The following HEATR5A variants were observed in gnomAD, a reference collection of about 807,000 sequenced individuals.
The protein encoded by HEATR5A is HEAT repeat containing 5A.
In HEATR5A, 178 loss-of-function variants were observed where a neutral mutation model predicts 218.8. The observed-to-expected ratio is 0.81, with a 90% CI of 0.72 to 0.92. The LOEUF (loss-of-function observed/expected upper bound fraction) is 0.92, where lower values mean the gene tolerates loss of function less well. HEATR5A is among the 40% of genes least tolerant of loss of function. The pLI is 0.00. For synonymous variants in HEATR5A, 864 were observed against 871.6 expected, an observed-to-expected ratio of 0.99 and a Z score of 0.15; for missense variants, 2,420 against 2,418.9, an observed-to-expected ratio of 1.00 and a Z score of -0.01.
intron 1 of HEATR5A, 38 bp from the exon 2 acceptor site, chr14:31,403,087 T>TA: frequency 1.0e-6 from 1 of 970,140 alleles, no homozygotes; most frequent in South Asian, 2.0e-5. Context: ...AAAAGGGGGG[T>TA]AAAAAGGAAG....
At chr14:31,362,034 G>A (rs572498554) in intron 14 of HEATR5A, among the ~76,000 whole-genome samples, 4 of 151,806 alleles carry the variant, frequency 2.6e-5, no homozygotes, top group South Asian at 2.1e-4. Context: ...GCACGATCTC[G>A]GCTCACTGCA....
In HEATR5A at chr14:31,307,985, C is replaced by G; in HGVS notation, c.4726G>C (p.Asp1576His). The G allele has an allele frequency of 6.2e-7, 1 of 1,613,546 alleles. No homozygotes were observed. The highest frequency in any genetic ancestry group is 8.5e-7 in the Non-Finnish European group (1 of 1,179,722). Residue 1576 changes from aspartate (D) to histidine (H), a missense_variant, in exon 30 of 36, where the codon GAT becomes CAT. Physicochemically the swap from Asp to His is moderately conservative, Grantham distance 81 (BLOSUM62 -1). Coordinates refer to ENST00000543095, the MANE Select transcript of HEATR5A (RefSeq NM_015473.4). ...GCAGTTATGCTTTCCATGGTTGCAT[C>G]TGAACGTAAGGAACATAGAAATTCC... ...SVEFLCSLRS[D>H]ATMESITACL...
At chr14:31,329,781 C>T (rs556221624) in intron 22 of HEATR5A, among the ~76,000 whole-genome samples, 10 of 152,240 alleles carry the variant, frequency 6.6e-5, no homozygotes, top group South Asian at 2.1e-4. Context: ...GGCATGGTCT[C>T]GGCTCACCGC....
At chr14:31,413,712 T>C (rs1211487105) in intron 1 of HEATR5A, among the ~76,000 whole-genome samples, 1 of 152,186 alleles carries the variant, frequency 6.6e-6, no homozygotes, top group Non-Finnish European at 1.5e-5. Context: ...AAACTTAAGA[T>C]ATTATTATTC....
At chr14:31,389,737 T>C (rs899955925) in intron 6 of HEATR5A, among the ~76,000 whole-genome samples, 1 of 152,182 alleles carries the variant, frequency 6.6e-6, no homozygotes, top group African/African-American at 2.4e-5. Flanking sequence ...AATAAACTTT[T>C]GTTACAGTTA....
intron 32 of HEATR5A, among the ~76,000 whole-genome samples, chr14:31,303,298 T>C (rs954678982): frequency 1.3e-5 from 2 of 152,062 alleles, no homozygotes; most frequent in African/African-American, 4.8e-5. Flanking sequence ...CCGGGTGTGG[T>C]GGCACGCGCC....
chr14:31,360,393 C>A (rs532213133), intron 14 of HEATR5A, among the ~76,000 whole-genome samples: 6 of 151,938 alleles, frequency 3.9e-5, no homozygotes, highest in Non-Finnish European at 8.8e-5. Flanking sequence ...CTCATTTTTG[C>A]TTTTGGTGAT....
At chr14:31,362,606 C>CAAAAAAAAAAAA (rs71115003) in intron 14 of HEATR5A, among the ~76,000 whole-genome samples, 12 of 44,754 alleles carry the variant, frequency 2.7e-4, no homozygotes, top group Non-Finnish European at 3.3e-4. Flanking sequence ...CTACAAATGA[C>CAAAAAAAAAAAA]AAAAAAAAAA....
rs2030348718 is a variant in HEATR5A, at chr14:31,389,088, T to G, written c.773-83A>C. ...TCTTGATTTGCAAAAAGCATGTTAA[T>G]AGAAACAAAAATAAACTAAAAATTC... On this transcript the variant is annotated intron_variant, in intron 6 of 35. Transcript: ENST00000543095. 6 of 1,253,364 alleles carry G rather than the reference T, an allele frequency of 4.8e-6. No individual in the cohort carries two copies. In the African/African-American group the frequency reaches 5.9e-5, roughly 12 times the overall value. 77.6% of individuals were successfully genotyped at this position (1,253,364 alleles called of 1,614,324 possible).
intron 22 of HEATR5A, chr14:31,334,444 G>C (rs1900581461): frequency 2.2e-6 from 1 of 456,050 alleles, no homozygotes; most frequent in African/African-American, 2.0e-5. Context: ...TCCTGGTGAA[G>C]ATGCTGTGAA....
At chr14:31,415,221 C>T (rs528309426) in intron 1 of HEATR5A, among the ~76,000 whole-genome samples, 7 of 152,316 alleles carry the variant, frequency 4.6e-5, no homozygotes, top group African/African-American at 1.7e-4. Context: ...CCTCTTGGAG[C>T]CTCACCTGAG....
chr14:31,383,953 A>G (rs2030099713), intron 9 of HEATR5A, among the ~76,000 whole-genome samples, 182 bp from the exon 10 acceptor site: 4 of 152,188 alleles, frequency 2.6e-5, no homozygotes, highest in Admixed American at 6.5e-5. Flanking sequence ...CCTTCTCACC[A>G]TTCCTATTCA....
chr14:31,355,197 T>C (rs1901378945), intron 16 of HEATR5A, among the ~76,000 whole-genome samples: 1 of 41,270 alleles, frequency 2.4e-5, no homozygotes, highest in Admixed American at 1.7e-4. Flanking sequence ...GCAGATCACC[T>C]GAGGTCAGGA....
intron 19 of HEATR5A, 63 bp from the exon 20 acceptor site, chr14:31,345,339 T>TA (rs1900985575): frequency 5.5e-6 from 7 of 1,269,060 alleles, no homozygotes; most frequent in Non-Finnish European, 7.6e-6. Flanking sequence ...TAAAATAAAT[T>TA]AACTTGTTCT....
chr14:31,347,242 G>A (rs1169521829), intron 19 of HEATR5A, among the ~76,000 whole-genome samples: 1 of 152,120 alleles, frequency 6.6e-6, no homozygotes, highest in African/African-American at 2.4e-5. Context: ...GATAGGGTCT[G>A]GCTCTGTTGC....
At chr14:31,362,606 C>CAAAAAAAAAA (rs71115003) in intron 14 of HEATR5A, among the ~76,000 whole-genome samples, 30 of 44,740 alleles carry the variant, frequency 6.7e-4, no homozygotes, top group Admixed American at 1.9e-3. Context: ...CTACAAATGA[C>CAAAAAAAAAA]AAAAAAAAAA....
chr14:31,301,755 AGT>A (rs1185190025), intron 33 of HEATR5A, among the ~76,000 whole-genome samples: 2 of 149,472 alleles, frequency 1.3e-5, no homozygotes, highest in Non-Finnish European at 3.0e-5. Flanking sequence ...GGCTTCCCAA[AGT>A]GCTGGGATTG....
At chr14:31,317,159 C>T (rs1339582255) in intron 26 of HEATR5A, among the ~76,000 whole-genome samples, 1 of 152,072 alleles carries the variant, frequency 6.6e-6, no homozygotes, top group African/African-American at 2.4e-5. Context: ...AGTAAAAGCA[C>T]TCAACTATTT....
At chr14:31,398,845 G>A in intron 3 of HEATR5A, 64 bp from the exon 4 acceptor site, 1 of 869,458 alleles carries the variant, frequency 1.2e-6, no homozygotes, top group Non-Finnish European at 1.8e-6. Flanking sequence ...AAGATCTTAG[G>A]ATATGTAAGG....
Sources: allele counts gnomAD v4.1 joint callset (sites outside exome capture counted in the v4.1 genomes callset), GRCh38; gene constraint gnomAD v4.1.1; transcripts MANE v1.5; gene names NCBI Gene and HGNC (gene_info 2026-07-23, HGNC 2026-07-21).